The following PATJ variants were observed in gnomAD, a reference collection of about 807,000 sequenced individuals.
PATJ encodes inaD-like protein.
Under a neutral mutation model 224.9 loss-of-function variants are expected in PATJ, and 190 were observed. The ratio of observed to expected loss-of-function variants is 0.84; its 90% CI spans 0.75 to 0.95. The LOEUF is 0.95. PATJ is among the 40% of genes least tolerant of loss of function. The pLI, the probability that PATJ is intolerant of heterozygous loss-of-function variation, is 0.00. For synonymous variants in PATJ, 769 were observed against 820.3 expected, an observed-to-expected ratio of 0.94 and a Z score of 1.07; for missense variants, 2,121 against 2,270.3, an observed-to-expected ratio of 0.93 and a Z score of 1.34.
At chr1:61,828,291 G>A (rs1415342978) in intron 16 of PATJ, among the ~76,000 whole-genome samples, 1 of 151,608 alleles carries the variant, frequency 6.6e-6, no homozygotes, top group Non-Finnish European at 1.5e-5. Flanking sequence ...AGTGAGTCTG[G>A]AAATTGCCAT....
In PATJ at chr1:62,018,942, C is replaced by T. The variant is rs1237322707; in HGVS notation, c.3959+995C>T. Among the ~76,000 whole-genome samples, 1 of 152,056 alleles carries T rather than the reference C, an allele frequency of 6.6e-6. No homozygotes were observed. Reference sequence around the variant, plus strand: ...TATCCCTTCCCACTTCTACTTTGCTCCTGAAGAAATCCTACATTAGGGCCA... The same window carrying T: ...TATCCCTTCCCACTTCTACTTTGCTTCTGAAGAAATCCTACATTAGGGCCA... On this transcript the variant is annotated intron_variant, in intron 29 of 43. Coordinates refer to ENST00000642238, the MANE Select transcript of PATJ (RefSeq NM_001350145.3). The surrounding 1 kb of genome is among the most constrained non-coding windows in gnomAD (Gnocchi z 4.2).
At chr1:61,994,523 G>A (rs974627943) in intron 28 of PATJ, among the ~76,000 whole-genome samples, 1 of 151,748 alleles carries the variant, frequency 6.6e-6, no homozygotes, top group Non-Finnish European at 1.5e-5. Flanking sequence ...ATCCTGAAGA[G>A]CTGGGAGAAT....
At chr1:61,898,049 A>G (rs1364344200) in intron 22 of PATJ, among the ~76,000 whole-genome samples, 1 of 152,194 alleles carries the variant, frequency 6.6e-6, no homozygotes, top group African/African-American at 2.4e-5. Flanking sequence ...TAGAGGGCCA[A>G]GAAGGTGGAG....
chr1:61,768,320 A>G (rs903414248), intron 4 of PATJ, among the ~76,000 whole-genome samples: 26 of 151,826 alleles, frequency 1.7e-4, no homozygotes, highest in African/African-American at 5.8e-4. Flanking sequence ...ATACAAAAAA[A>G]TTAGCCAGGC....
At chr1:62,067,907 C>CA (rs1656751716) in intron 31 of PATJ, among the ~76,000 whole-genome samples, 1 of 152,142 alleles carries the variant, frequency 6.6e-6, no homozygotes, top group African/African-American at 2.4e-5. Context: ...CTCAAGCGAT[C>CA]CTCCTACCTC....
chr1:62,101,312 G>A (rs1364628168), intron 33 of PATJ, among the ~76,000 whole-genome samples: 1 of 144,624 alleles, frequency 6.9e-6, no homozygotes, highest in Non-Finnish European at 1.5e-5. Context: ...CACCCAGGCT[G>A]GAGTGCAGTG....
intron 31 of PATJ, among the ~76,000 whole-genome samples, chr1:62,073,574 A>T (rs1357453627): frequency 6.6e-6 from 1 of 152,170 alleles, no homozygotes; most frequent in Admixed American, 6.5e-5. Context: ...CAGAGGTTAC[A>T]ATGAGCCAAG....
At chr1:61,915,776 A>G (rs1673373728) in intron 26 of PATJ, among the ~76,000 whole-genome samples, 2 of 150,916 alleles carry the variant, frequency 1.3e-5, no homozygotes. Context: ...GGCTCACTTC[A>G]ACCTCCACCT....
Position 61,827,575 on chromosome 1 carries a change from G to T in PATJ, c.1972G>T (p.Glu658Ter), listed in dbSNP as rs746068052. 1 of 1,613,654 alleles carries T rather than the reference G, an allele frequency of 6.2e-7. No individual in the cohort carries two copies. The highest frequency in any genetic ancestry group is 8.5e-7 in the Non-Finnish European group (1 of 1,179,786). Residue 658 changes from glutamate to a stop codon, truncating the protein, a stop_gained, in exon 16 of 44, where the codon GAG becomes TAG. Transcript: ENST00000642238. LOFTEE classifies it high-confidence loss of function. ...AAGGCGCACTGAAACCTCTCTTCCT[G>T]AGACAGAGGTACTAAATGAATATAG... ...EPRRTETSLPETEVDHNMDVN... is the reference protein window; with the variant it reads ...EPRRTETSLP
At chr1:61,755,409 TTAGTA>T (rs1318314193) in intron 1 of PATJ, among the ~76,000 whole-genome samples, 1 of 152,138 alleles carries the variant, frequency 6.6e-6, no homozygotes, top group African/African-American at 2.4e-5. Context: ...AAAACATATG[TTAGTA>T]TAGTAGTATA....
At chr1:62,113,840 C>G (rs1664139254) in intron 34 of PATJ, among the ~76,000 whole-genome samples, 1 of 152,136 alleles carries the variant, frequency 6.6e-6, no homozygotes, top group African/African-American at 2.4e-5. Flanking sequence ...ATCATGTATC[C>G]ACCCTTTGTG....
At position 62,025,162 on chromosome 1, in the gene PATJ, C is replaced by T. The variant is rs770624619; in HGVS notation, c.3959+7215C>T. The stretch of plus-strand genomic sequence containing the variant: ...CAAATTACGAGCAACCAGAGTGAGA[C>T]ATTTGGTTTCCTCTGTGCATCTTCC... On this transcript the variant is annotated intron_variant, in intron 29 of 43. Transcript: ENST00000642238. Among the ~76,000 whole-genome samples the T allele has an allele frequency of 6.0e-4, 91 of 152,160 alleles. 1 individual carries two copies. Among genetic ancestry groups the T allele is most frequent in the Admixed American group, 1.2e-3 (18 of 15,272 alleles).
chr1:61,837,941 T>C (rs547108832), intron 17 of PATJ, among the ~76,000 whole-genome samples: 4 of 152,292 alleles, frequency 2.6e-5, no homozygotes, highest in Non-Finnish European at 5.9e-5. Context: ...TATGCCTTTA[T>C]ACGTGAAATG....
chr1:62,128,845 G>C lies in PATJ; in HGVS notation c.5171G>C (p.Gly1724Ala). 1 of 1,605,826 alleles carries C rather than the reference G, an allele frequency of 6.2e-7. No homozygotes were observed. The highest frequency in any genetic ancestry group is 1.1e-5 in the South Asian group (1 of 90,770). ...CTGTCATTTTTGTACTTCCAGGTTG[G>C]AGATCGGATTGTCAGCATTAACGGG... is the stretch of plus-strand genomic sequence containing the variant. ...VAARTQKLKV[G>A]DRIVSINGQP... is the part of the protein sequence containing the mutation. The change falls in exon 41 of 44, where the codon GGA becomes GCA. Residue 1724 changes from glycine (G) to alanine (A), a missense_variant. By Grantham distance (60) the Gly-to-Ala change is moderately conservative. Coordinates refer to ENST00000642238, the MANE Select transcript of PATJ (RefSeq NM_001350145.3).
chr1:61,813,358 TATATATATATATATATATATAC>T (rs1486753278), intron 14 of PATJ, among the ~76,000 whole-genome samples: 15 of 52,988 alleles, frequency 2.8e-4, no homozygotes, highest in South Asian at 6.7e-4. Context: ...TATATATATA[TATATATATATATATATATATAC>T]ACACACACAC....
intron 38 of PATJ, among the ~76,000 whole-genome samples, chr1:62,122,698 A>G (rs60381716): frequency 0.25 from 37,999 of 151,672 alleles, 8,437 homozygotes; most frequent in East Asian, 0.81. Flanking sequence ...GGTGGCAGGC[A>G]CCTGTAATCC....
At chr1:61,928,275 T>A (rs1675521250) in intron 27 of PATJ, among the ~76,000 whole-genome samples, 1 of 152,206 alleles carries the variant, frequency 6.6e-6, no homozygotes, top group Admixed American at 6.5e-5. Flanking sequence ...TCTTTTGCAT[T>A]AGATGAATCA....
At chr1:62,015,105 GC>G (rs1353272253) in intron 28 of PATJ, among the ~76,000 whole-genome samples, 1 of 151,980 alleles carries the variant, frequency 6.6e-6, no homozygotes, top group Admixed American at 6.6e-5. Flanking sequence ...GTCAAGACCA[GC>G]CTGGCCAACA....
intron 27 of PATJ, among the ~76,000 whole-genome samples, chr1:61,930,215 C>T (rs1443341765): frequency 6.6e-6 from 1 of 152,148 alleles, no homozygotes; most frequent in Non-Finnish European, 1.5e-5. Context: ...TTAACCTCCT[C>T]CAGAAGAATT....
Sources: allele counts gnomAD v4.1 joint callset (sites outside exome capture counted in the v4.1 genomes callset), GRCh38; gene constraint gnomAD v4.1.1; non-coding constraint Gnocchi (gnomAD v3.1); transcripts MANE v1.5; gene names NCBI Gene and HGNC (gene_info 2026-07-23, HGNC 2026-07-21).